Variants in N4BP2L2 observed in about 807,000 individuals in gnomAD.
N4BP2L2 encodes the protein NEDD4-binding protein 2-like 2.
N4BP2L2 carries 50 observed loss-of-function variants against 56.2 expected under a neutral mutation model. That is an observed-to-expected ratio of 0.89 (90% CI 0.71 to 1.13). N4BP2L2 has a LOEUF of 1.13. Among genes scored for constraint, N4BP2L2 ranks in the 50% most tolerant of loss-of-function variants. The pLI, the probability that N4BP2L2 is intolerant of heterozygous loss-of-function variation, is 0.00. For missense variants in N4BP2L2, 689 were observed against 693.8 expected (o/e 0.99, Z 0.08); for synonymous variants, 203 against 223.6 (o/e 0.91, Z 0.82).
intron 6 of N4BP2L2, among the ~76,000 whole-genome samples, chr13:32,448,024 A>G (rs923583234): frequency 2.0e-5 from 3 of 152,216 alleles, no homozygotes; most frequent in Admixed American, 6.5e-5. Flanking sequence ...ATACAACACA[A>G]TGCCAAGAGG....
intron 9 of N4BP2L2, among the ~76,000 whole-genome samples, chr13:32,435,804 G>A (rs891727268): frequency 3.9e-5 from 6 of 152,078 alleles, no homozygotes; most frequent in African/African-American, 7.2e-5. Flanking sequence ...ATGAAAAAAC[G>A]TATGGTAAAT....
intron 8 of N4BP2L2, among the ~76,000 whole-genome samples, chr13:32,438,453 GC>G (rs2075771576): frequency 6.6e-6 from 1 of 152,082 alleles, no homozygotes; most frequent in African/African-American, 2.4e-5. Context: ...ACCTCCACTG[GC>G]CAGGTGTGGT....
Position 32,538,247 on chromosome 13 carries a change from G to A in N4BP2L2, c.-1+371C>T, listed in dbSNP as rs528249173. On this transcript the variant is annotated intron_variant, in intron 1 of 5. Transcript: ENST00000267068. ...ATGCAAGCAGGCCACAGAGCTGGAG[G>A]AAGACAACTGCGGAGAACGCCAAAA... Among the ~76,000 whole-genome samples, 178 of 152,238 alleles carry A rather than the reference G, an allele frequency of 1.2e-3. 1 individual carries two copies. Among genetic ancestry groups the A allele is most frequent in the Non-Finnish European group, 2.4e-3 (160 of 68,022 alleles).
exon 6 of N4BP2L2, chr13:32,517,630 A>G: frequency 7.1e-7 from 1 of 1,398,692 alleles, no homozygotes; most frequent in South Asian, 1.7e-5. Flanking sequence ...ATACAATTTC[A>G]TATATTTTTA....
chr13:32,440,526 G>T (rs979294338), intron 7 of N4BP2L2, among the ~76,000 whole-genome samples: 1 of 152,168 alleles, frequency 6.6e-6, no homozygotes, highest in African/African-American at 2.4e-5. Flanking sequence ...GAGTGCAGTG[G>T]CGCGATCTCA....
At chr13:32,538,494 G>C in intron 1 of N4BP2L2, 124 bp downstream of exon 1, 1 of 520,722 alleles carries the variant, frequency 1.9e-6, no homozygotes, top group Non-Finnish European at 2.5e-6. Context: ...AGGTCTCTGA[G>C]GCGCAAAAGT....
At chr13:32,435,255 G>A (rs1023421147) in intron 9 of N4BP2L2, among the ~76,000 whole-genome samples, 3 of 151,790 alleles carry the variant, frequency 2.0e-5, no homozygotes, top group African/African-American at 7.3e-5. Flanking sequence ...TTTTTTTGAG[G>A]TGGGGTCTCG....
rs138185093 is a variant in N4BP2L2, at chr13:32,446,205, C to T, written c.366-2079G>A. ...TCTTGTTCTTTGTCACTAATTGCTG[C>T]TGCCCTTGTTTACACATTTCTAGAT... is the stretch of plus-strand genomic sequence containing the variant. On this transcript the variant is annotated intron_variant, in intron 6 of 9. Coordinates refer to the N4BP2L2 transcript ENST00000357505. 4.1e-3 allele frequency among the ~76,000 whole-genome samples: 632 copies of T among 152,314 alleles called. 6 individuals carry two copies. The highest frequency in any genetic ancestry group is 0.014 in the African/African-American group (585 of 41,582).
intron 3 of N4BP2L2, among the ~76,000 whole-genome samples, chr13:32,525,762 T>G (rs866887943): frequency 6.6e-6 from 1 of 152,226 alleles, no homozygotes; most frequent in African/African-American, 2.4e-5. Flanking sequence ...TATTATACTT[T>G]AGGGCAACCC....
At chr13:32,509,093 G>A (rs189633283), downstream of N4BP2L2, 10 of 152,232 alleles carry the variant, frequency 6.6e-5, no homozygotes, top group East Asian at 1.9e-3. Context: ...CAAGTTAAAT[G>A]GGTGATCCTT....
At chr13:32,535,707 A>G (rs1190677334) in intron 2 of N4BP2L2, 62 bp downstream of exon 2, 4 of 1,528,404 alleles carry the variant, frequency 2.6e-6, no homozygotes, top group Middle Eastern at 2.3e-4. Context: ...GCCGGCGACA[A>G]ATATCATTTA....
intron 6 of N4BP2L2, among the ~76,000 whole-genome samples, chr13:32,471,470 T>G (rs1170333481): frequency 6.6e-6 from 1 of 152,242 alleles, no homozygotes; most frequent in Non-Finnish European, 1.5e-5. Context: ...AAGGTATAAC[T>G]GCCCTGCTGT....
intron 2 of N4BP2L2, among the ~76,000 whole-genome samples, chr13:32,532,887 G>GC (rs1473636931): frequency 1.1e-5 from 1 of 91,316 alleles, no homozygotes; most frequent in African/African-American, 3.1e-5. Context: ...CCGGCACCCG[G>GC]CCTTTTTTTA....
At chr13:32,457,930 T>C (rs776546802) in intron 6 of N4BP2L2, among the ~76,000 whole-genome samples, 1 of 152,108 alleles carries the variant, frequency 6.6e-6, no homozygotes, top group Non-Finnish European at 1.5e-5. Flanking sequence ...CAGAAAACAA[T>C]GAACAAAATG....
chr13:32,473,237 G>A (rs1273472710), intron 6 of N4BP2L2, among the ~76,000 whole-genome samples: 3 of 149,460 alleles, frequency 2.0e-5, no homozygotes, highest in South Asian at 2.1e-4. Context: ...AGCCAAGATC[G>A]CACCACTGCA....
At chr13:32,522,425 T>A in intron 3 of N4BP2L2, 155 bp from the exon 4 acceptor site, 1 of 445,120 alleles carries the variant, frequency 2.2e-6, no homozygotes, top group Non-Finnish European at 3.8e-6. Context: ...AGAACTCCAC[T>A]AGATTGAAAG....
intron 6 of N4BP2L2, among the ~76,000 whole-genome samples, chr13:32,445,989 G>A (rs1391508461): frequency 6.6e-6 from 1 of 152,194 alleles, no homozygotes; most frequent in African/African-American, 2.4e-5. Flanking sequence ...TGACACCGCT[G>A]AGGGAAAAAT....
At chr13:32,474,399 G>T (rs2082871203) in intron 6 of N4BP2L2, among the ~76,000 whole-genome samples, 2 of 151,902 alleles carry the variant, frequency 1.3e-5, no homozygotes, top group Non-Finnish European at 2.9e-5. Context: ...TGATAGAAAT[G>T]TACTTAGCGG....
chr13:32,518,223 T>C (rs1566162393), intron 5 of N4BP2L2, among the ~76,000 whole-genome samples: 1 of 152,148 alleles, frequency 6.6e-6, no homozygotes. Flanking sequence ...CACAGAAAAA[T>C]GTTAATTACA....
Sources: allele counts gnomAD v4.1 joint callset (sites outside exome capture counted in the v4.1 genomes callset), GRCh38; gene constraint gnomAD v4.1.1; transcripts MANE v1.5; gene names NCBI Gene and HGNC (gene_info 2026-07-23, HGNC 2026-07-21).